Variants in NAA25 observed in about 807,000 individuals in gnomAD.
NAA25 encodes the protein N-terminal acetyltransferase B complex subunit NAA25.
Under a neutral mutation model 132.5 loss-of-function variants are expected in NAA25, and 30 were observed. The observed-to-expected ratio is 0.23, with a 90% CI of 0.17 to 0.31. The LOEUF is 0.31. Among genes scored for constraint, NAA25 ranks in the 10% least tolerant of loss-of-function variants. The pLI is 1.00. For missense variants in NAA25, 771 were observed against 1,150.4 expected (o/e 0.67, Z 4.77); for synonymous variants, 359 against 401.9 (o/e 0.89, Z 1.28).
intron 13 of NAA25, among the ~76,000 whole-genome samples, chr12:112,057,469 C>T (rs769518648): frequency 3.3e-5 from 5 of 152,170 alleles, no homozygotes; most frequent in Non-Finnish European, 7.3e-5. Flanking sequence ...ATGACTTTTG[C>T]TACCCTATGC....
intron 4 of NAA25, among the ~76,000 whole-genome samples, chr12:112,083,391 G>C (rs577270356): frequency 3.9e-4 from 59 of 152,256 alleles, no homozygotes; most frequent in Non-Finnish European, 7.5e-4. Flanking sequence ...TGTAATCTCA[G>C]CTGCTCAGGG....
intron 2 of NAA25, 123 bp downstream of exon 2, chr12:112,092,928 G>A (rs952048847): frequency 5.1e-5 from 28 of 551,676 alleles, no homozygotes; most frequent in African/African-American, 9.8e-5. Context: ...CGCTTGCCTC[G>A]GCCTCCCAAA....
intron 13 of NAA25, among the ~76,000 whole-genome samples, chr12:112,057,323 T>C (rs1453622669): frequency 6.6e-6 from 1 of 152,236 alleles, no homozygotes; most frequent in Non-Finnish European, 1.5e-5. Context: ...CATATATTGC[T>C]CAAAATATTA....
intron 14 of NAA25, 31 bp downstream of exon 14, chr12:112,054,357 C>T (rs1473617856): frequency 1.9e-5 from 30 of 1,594,598 alleles, no homozygotes; most frequent in Non-Finnish European, 2.5e-5. Context: ...GTATAGCTGG[C>T]TGCTCATTAT....
chr12:112,053,512 G>A (rs2078497236), intron 15 of NAA25, 46 bp downstream of exon 15: 2 of 1,323,352 alleles, frequency 1.5e-6, no homozygotes, highest in Non-Finnish European at 1.1e-6. Context: ...TCAATAGTGT[G>A]CAGTCAGCAG....
Position 112,056,258 on chromosome 12 carries a change from C to A in NAA25, c.1448-1690G>T, listed in dbSNP as rs57869744. On this transcript the variant is annotated intron_variant, in intron 13 of 23. Transcript: ENST00000261745. ...CTGAGGCAGAAGAATTGCTTGAACC[C>A]AGGAGACAGAGGTTGCAGTAAGCCG... is the stretch of plus-strand genomic sequence containing the variant. Among the ~76,000 whole-genome samples the A allele has an allele frequency of 6.0e-4, 92 of 152,148 alleles. 1 individual carries two copies. In the East Asian group the frequency reaches 0.016, roughly 26 times the overall value.
intron 1 of NAA25, chr12:112,097,171 G>C (rs1194611598): frequency 6.6e-6 from 1 of 152,058 alleles, no homozygotes; most frequent in East Asian, 1.9e-4. Context: ...CTATAAAACT[G>C]AAAGCCAGAG....
At chr12:112,086,073 T>TATATATATATATATACACACAC (rs759148501) in intron 4 of NAA25, among the ~76,000 whole-genome samples, 50 of 53,968 alleles carry the variant, frequency 9.3e-4, no homozygotes, top group African/African-American at 1.9e-3. Context: ...TATATATATA[T>TATATATATATATATACACACAC]ACACACACAC....
At chr12:112,033,476 G>A in intron 22 of NAA25, 97 bp from the exon 23 acceptor site, 1 of 1,181,388 alleles carries the variant, frequency 8.5e-7, no homozygotes, top group Non-Finnish European at 1.1e-6. Flanking sequence ...AATTTAAATA[G>A]TGGCATTTCA....
chr12:112,092,701 G>A (rs909164536), intron 2 of NAA25, among the ~76,000 whole-genome samples: 8 of 148,300 alleles, frequency 5.4e-5, no homozygotes, highest in Admixed American at 2.0e-4. Context: ...TTTTTGAGAC[G>A]GAGTCTCACT....
At chr12:112,034,881 A>T (rs1420871619) in intron 22 of NAA25, 1 of 151,928 alleles carries the variant, frequency 6.6e-6, no homozygotes, top group Non-Finnish European at 1.5e-5. Context: ...TGTCTGTATC[A>T]ATAGCAGCAT....
intron 13 of NAA25, among the ~76,000 whole-genome samples, chr12:112,058,277 G>A (rs1190331731): frequency 1.3e-5 from 2 of 152,186 alleles, no homozygotes; most frequent in Admixed American, 1.3e-4. Context: ...GGCACCATTT[G>A]AGTAAAACTT....
In NAA25 at chr12:112,047,742, T is replaced by C. The variant is rs774953817; in HGVS notation, c.1929A>G (p.Glu643=). ...AATCTTCCCATGGAATGTCATCTTC[T>C]TCTGGCCTAAGGTTCATTGACTTTA... ...ESIKSMNLRP[E]EDDIPWEDLR... The change falls in exon 17 of 24, where the codon GAA becomes GAG. Residue 643 remains glutamate (E), a synonymous_variant. Transcript: ENST00000261745. The C allele has an allele frequency of 1.2e-6, 2 of 1,613,958 alleles. No homozygotes were observed. The highest frequency in any genetic ancestry group is 1.7e-6 in the Non-Finnish European group (2 of 1,179,900).
intron 4 of NAA25, among the ~76,000 whole-genome samples, chr12:112,085,285 G>A (rs139524674): frequency 4.0e-4 from 60 of 151,248 alleles, no homozygotes; most frequent in African/African-American, 1.3e-3. Context: ...CCAGCTACTC[G>A]GGAGGCAGAG....
At chr12:112,075,890 C>A in intron 7 of NAA25, 101 bp from the exon 8 acceptor site, 1 of 962,486 alleles carries the variant, frequency 1.0e-6, no homozygotes, top group East Asian at 2.7e-5. Context: ...ATTTTCTTTT[C>A]TTTTTTTTTG....
chr12:112,054,610 A>C (rs1478143129), intron 13 of NAA25, 42 bp from the exon 14 acceptor site: 2 of 1,556,706 alleles, frequency 1.3e-6, no homozygotes, highest in Non-Finnish European at 1.7e-6. Context: ...CTTGACAGCA[A>C]ATGAAAGCTT....
chr12:112,075,313 C>G (rs910818680), intron 8 of NAA25, among the ~76,000 whole-genome samples: 2 of 151,934 alleles, frequency 1.3e-5, no homozygotes, highest in Admixed American at 1.3e-4. Context: ...CTCAGCTTCC[C>G]GAGGGGCTGG....
chr12:112,059,233 C>T (rs1227239580), intron 13 of NAA25, among the ~76,000 whole-genome samples: 1 of 151,622 alleles, frequency 6.6e-6, no homozygotes, highest in Non-Finnish European at 1.5e-5. Context: ...GATCACGCCA[C>T]TGCACTCGAG....
At chr12:112,048,178 C>CT in intron 16 of NAA25, 114 bp downstream of exon 16, 3 of 1,021,180 alleles carry the variant, frequency 2.9e-6, no homozygotes, top group African/African-American at 1.6e-5. Context: ...GTCTCTCTCC[C>CT]TTTTTTCCCC....
Sources: allele counts gnomAD v4.1 joint callset (sites outside exome capture counted in the v4.1 genomes callset), GRCh38; gene constraint gnomAD v4.1.1; transcripts MANE v1.5; gene names NCBI Gene and HGNC (gene_info 2026-07-23, HGNC 2026-07-21).